ADORA2B: variants seen among roughly 807,000 people sequenced by gnomAD.
The protein encoded by ADORA2B is adenosine receptor A2b.
ADORA2B carries 18 observed loss-of-function variants against 20.8 expected under a neutral mutation model. The observed-to-expected ratio is 0.87, with a 90% CI of 0.60 to 1.29. The LOEUF (loss-of-function observed/expected upper bound fraction) is 1.29. Among genes scored for constraint, ADORA2B ranks in the 50% most tolerant of loss-of-function variants. The pLI is 0.00. For missense variants in ADORA2B, 441 were observed against 422.7 expected (o/e 1.04, Z -0.38); for synonymous variants, 179 against 178.3 (o/e 1.00, Z -0.03).
At chr17:15,941,910 G>A (rs78674688), upstream of ADORA2B, among the ~76,000 whole-genome samples, 1,375 of 152,052 alleles carry the variant, frequency 9.0e-3, 25 homozygotes, top group African/African-American at 0.031. Flanking sequence ...GGTTGAAGGA[G>A]TCAGGAAAAT....
the ADORA2B span, among the ~76,000 whole-genome samples, chr17:15,855,467 G>T: frequency 6.6e-6 from 1 of 151,992 alleles, no homozygotes; most frequent in African/African-American, 2.4e-5. Flanking sequence ...AAGCAAAACG[G>T]TATGCAAAGC....
At chr17:15,962,011 G>A (rs1970047476) in intron 1 of ADORA2B, among the ~76,000 whole-genome samples, 1 of 152,142 alleles carries the variant, frequency 6.6e-6, no homozygotes, top group Non-Finnish European at 1.5e-5. Context: ...TTATAAAATG[G>A]TAATTTTCAG....
At chr17:15,895,703 A>G in the ADORA2B span, among the ~76,000 whole-genome samples, 1 of 152,212 alleles carries the variant, frequency 6.6e-6, no homozygotes, top group Admixed American at 6.5e-5. Context: ...TAAAATAGCC[A>G]CATCGTGTGG....
chr17:15,957,772 T>C (rs1969986404), intron 1 of ADORA2B, among the ~76,000 whole-genome samples: 1 of 152,092 alleles, frequency 6.6e-6, no homozygotes, highest in Admixed American at 6.6e-5. Context: ...CCCATTTAAA[T>C]GTGTTCAAAC....
At chr17:15,956,297 G>A (rs1969965382) in intron 1 of ADORA2B, among the ~76,000 whole-genome samples, 1 of 152,306 alleles carries the variant, frequency 6.6e-6, no homozygotes, top group South Asian at 2.1e-4. Context: ...GTTATCACTA[G>A]GTCTCTAGCC....
chr17:15,883,848 A>T, the ADORA2B span, among the ~76,000 whole-genome samples: 1 of 152,246 alleles, frequency 6.6e-6, no homozygotes, highest in Non-Finnish European at 1.5e-5. Flanking sequence ...TGCTGTCTCC[A>T]TCCATGTGAT....
the ADORA2B span, among the ~76,000 whole-genome samples, chr17:15,891,553 A>G: frequency 1.3e-5 from 2 of 152,206 alleles, no homozygotes; most frequent in Admixed American, 1.3e-4. Context: ...CCAAAAACTC[A>G]AACTGATTCC....
chr17:15,931,651 G>C, the ADORA2B span, among the ~76,000 whole-genome samples: 1 of 152,200 alleles, frequency 6.6e-6, no homozygotes, highest in Non-Finnish European at 1.5e-5. Context: ...CAAGTTACAA[G>C]CTATGTGACT....
Position 15,962,511 on chromosome 17 carries a change from G to GTTAT in ADORA2B, c.336-12153_336-12150dup, listed in dbSNP as rs949456213. Among the ~76,000 whole-genome samples, 15 of 151,960 alleles carry GTTAT rather than the reference G, an allele frequency of 9.9e-5. No individual in the cohort carries two copies. In the South Asian group the frequency reaches 1.0e-3, roughly 11 times the overall value. ...ATTAAACGAGTTATAATCCATTCCT[G>GTTAT]TTATTTATTTATTTATTTTTATTTT... On this transcript the variant is annotated intron_variant, in intron 1 of 1. Coordinates refer to ENST00000304222, the MANE Select transcript of ADORA2B (RefSeq NM_000676.4).
the ADORA2B span, among the ~76,000 whole-genome samples, chr17:15,919,904 T>A: frequency 6.6e-6 from 1 of 152,222 alleles, no homozygotes; most frequent in East Asian, 1.9e-4. Context: ...TGGGTGAATG[T>A]GTCTAGACAA....
At chr17:15,935,837 T>A in the ADORA2B span, among the ~76,000 whole-genome samples, 1 of 152,030 alleles carries the variant, frequency 6.6e-6, no homozygotes, top group African/African-American at 2.4e-5. Context: ...TGTTGTGCCC[T>A]TCTATTAAAT....
At chr17:15,944,162 CAATAACGAACAGGGTCCCAGGA>C (rs1415061859), upstream of ADORA2B, among the ~76,000 whole-genome samples, 1 of 152,118 alleles carries the variant, frequency 6.6e-6, no homozygotes, top group African/African-American at 2.4e-5. This position sits in a 1 kb window ranked among gnomAD's most constrained non-coding sequence, Gnocchi z 4.8. Context: ...GTTGCCAGGT[CAATAACGAACAGGGTCCCAGGA>C]AAAGGCGGCA....
chr17:15,864,045 C>T, the ADORA2B span: 2 of 209,308 alleles, frequency 9.6e-6, no homozygotes, highest in South Asian at 1.9e-4. Flanking sequence ...GTGCTCTTCT[C>T]TCTAACCAGT....
At chr17:15,945,795 AAGG>A (rs897650949) in intron 1 of ADORA2B, among the ~76,000 whole-genome samples, 107 of 152,064 alleles carry the variant, frequency 7.0e-4, no homozygotes, top group African/African-American at 2.5e-3. Flanking sequence ...GCGTCGCTCT[AAGG>A]AGATCTGCGT....
At chr17:15,856,154 A>G in the ADORA2B span, among the ~76,000 whole-genome samples, 4 of 151,774 alleles carry the variant, frequency 2.6e-5, no homozygotes, top group Non-Finnish European at 5.9e-5. Context: ...TTCTTCGGAT[A>G]GTGAGTGCTC....
chr17:15,870,506 G>A, the ADORA2B span, among the ~76,000 whole-genome samples: 4 of 151,938 alleles, frequency 2.6e-5, no homozygotes, highest in South Asian at 8.3e-4. Flanking sequence ...CCAGCTACTT[G>A]GAAGGCTGAG....
upstream of ADORA2B, among the ~76,000 whole-genome samples, chr17:15,944,734 G>T (rs1969775115): frequency 6.6e-6 from 1 of 152,058 alleles, no homozygotes; most frequent in African/African-American, 2.4e-5. This position sits in a 1 kb window ranked among gnomAD's most constrained non-coding sequence, Gnocchi z 4.8. Flanking sequence ...GGGTGCGCAG[G>T]GTTAGCCTGG....
Position 15,975,289 on chromosome 17 carries a change from A to G in ADORA2B, c.946A>G (p.Lys316Glu). ...SRYLLCQADV[K>E]SGNGQAGVQP... ...GTATCTTCTCTGCCAAGCAGATGTC[A>G]AGAGTGGGAATGGTCAGGCTGGGGT... is the stretch of plus-strand genomic sequence containing the variant. The change falls in exon 2 of 2, where the codon AAG (lysine) becomes GAG (glutamate). Residue 316 changes from lysine (K) to glutamate (E), a missense_variant. Physicochemically the swap from Lys to Glu is moderately conservative, Grantham distance 56. Transcript: ENST00000304222. 3.7e-6 allele frequency: 6 copies of G among 1,613,348 alleles called. No homozygotes were observed. The highest frequency in any genetic ancestry group is 5.1e-6 in the Non-Finnish European group (6 of 1,179,994).
At chr17:15,890,668 G>A in the ADORA2B span, among the ~76,000 whole-genome samples, 1 of 152,144 alleles carries the variant, frequency 6.6e-6, no homozygotes, top group Non-Finnish European at 1.5e-5. Flanking sequence ...GGAAACTCCT[G>A]CAGTGATGGC....
Sources: gnomAD v4.1 joint callset for allele counts (sites outside exome capture counted in the v4.1 genomes callset) on GRCh38, gnomAD v4.1.1 for gene constraint, Gnocchi (gnomAD v3.1) non-coding constraint, MANE v1.5 for transcripts, NCBI Gene and HGNC (gene_info 2026-07-23, HGNC 2026-07-21) for gene names.